Variants in PTPRG observed in about 807,000 individuals in gnomAD.
The protein encoded by PTPRG is protein tyrosine phosphatase receptor type G, also known as receptor-type tyrosine-protein phosphatase gamma.
Under a neutral mutation model 165.3 loss-of-function variants are expected in PTPRG, and 102 were observed. That is an observed-to-expected ratio of 0.62 (90% confidence interval 0.53 to 0.73). The LOEUF (loss-of-function observed/expected upper bound fraction) is 0.73, where lower values mean the gene tolerates loss of function less well. PTPRG is among the 30% of genes least tolerant of loss of function. PTPRG has a pLI of 0.00. For missense variants in PTPRG, 1,866 were observed against 1,861.4 expected (o/e 1.00, Z -0.05); for synonymous variants, 675 against 669.5 (o/e 1.01, Z -0.13).
chr3:62,088,308 T>A (rs1434552819), intron 5 of PTPRG, among the ~76,000 whole-genome samples: 2 of 152,226 alleles, frequency 1.3e-5, no homozygotes, highest in Non-Finnish European at 2.9e-5. Context: ...AACTCAGCTT[T>A]ATGGTCATCA....
chr3:62,151,819 T>TA (rs1285564931), intron 6 of PTPRG, among the ~76,000 whole-genome samples: 1 of 152,112 alleles, frequency 6.6e-6, no homozygotes, highest in Non-Finnish European at 1.5e-5. Context: ...TAGCAAGACT[T>TA]ATTTAACAAG....
intron 1 of PTPRG, among the ~76,000 whole-genome samples, chr3:61,629,534 T>C (rs191112882): frequency 9.1e-4 from 138 of 152,322 alleles, no homozygotes; most frequent in African/African-American, 3.3e-3. Flanking sequence ...GTTTAATTGC[T>C]GTGAAATTAA....
At chr3:62,085,043 A>C (rs1701702589) in intron 5 of PTPRG, among the ~76,000 whole-genome samples, 2 of 152,200 alleles carry the variant, frequency 1.3e-5, no homozygotes, top group Non-Finnish European at 2.9e-5. Context: ...CTACTAGAGT[A>C]TAAACTCTCT....
chr3:62,059,695 A>C (rs137999372), intron 4 of PTPRG, among the ~76,000 whole-genome samples: 1 of 152,042 alleles, frequency 6.6e-6, no homozygotes, highest in Non-Finnish European at 1.5e-5. Flanking sequence ...TCCCCACCCA[A>C]ATCTCATCTT....
intron 2 of PTPRG, among the ~76,000 whole-genome samples, chr3:61,927,876 A>G (rs938943921): frequency 3.9e-5 from 6 of 152,116 alleles, no homozygotes; most frequent in Non-Finnish European, 7.4e-5. Flanking sequence ...TCATTGTTTG[A>G]TTGGTAAAGG....
chr3:62,048,398 A>G (rs1451692234), intron 4 of PTPRG, among the ~76,000 whole-genome samples: 2 of 152,196 alleles, frequency 1.3e-5, no homozygotes, highest in Non-Finnish European at 2.9e-5. Flanking sequence ...TTTAGAGTAT[A>G]TCCTTATTTC....
At chr3:61,748,825 T>C in intron 1 of PTPRG, 53 bp from the exon 2 acceptor site, 11 of 1,444,358 alleles carry the variant, frequency 7.6e-6, no homozygotes, top group Non-Finnish European at 1.1e-5. Context: ...ACACCCTTCC[T>C]GTATCCAGTG....
chr3:62,022,632 G>A (rs1032532568), intron 4 of PTPRG, among the ~76,000 whole-genome samples: 10 of 152,172 alleles, frequency 6.6e-5, no homozygotes, highest in Non-Finnish European at 1.5e-4. Flanking sequence ...TGGAACCCTG[G>A]TTTTTGGTGA....
intron 10 of PTPRG, among the ~76,000 whole-genome samples, chr3:62,199,277 T>C (rs1004545814): frequency 1.3e-5 from 2 of 151,816 alleles, no homozygotes; most frequent in Non-Finnish European, 2.9e-5. Context: ...TTATTTGACC[T>C]GGGACCTACA....
At chr3:62,045,622 TC>T (rs1700264355) in intron 4 of PTPRG, among the ~76,000 whole-genome samples, 1 of 152,160 alleles carries the variant, frequency 6.6e-6, no homozygotes, top group Admixed American at 6.5e-5. Context: ...CTGTCAAATG[TC>T]CTTAGTAATT....
chr3:61,801,917 C>T (rs2107173501), intron 2 of PTPRG, among the ~76,000 whole-genome samples: 1 of 151,670 alleles, frequency 6.6e-6, no homozygotes, highest in East Asian at 1.9e-4. Context: ...CCCAGCTACT[C>T]AGGAGGCTGA....
rs184956426 is a variant in PTPRG at position 62,182,687 on chromosome 3, G to A, written c.1034-8782G>A. On this transcript the variant is annotated intron_variant, in intron 8 of 29. Transcript: ENST00000474889. The stretch of plus-strand genomic sequence containing the variant: ...TGTTTGTTTGTTTGTTTGAGATGGA[G>A]TCTCGCTCTGTCGCCAGGCTGGAGT... Among the ~76,000 whole-genome samples the A allele has an allele frequency of 5.4e-3, 827 of 152,158 alleles. 7 individuals carry two copies. Among genetic ancestry groups the A allele is most frequent in the African/African-American group, 0.019 (792 of 41,556 alleles).
intron 1 of PTPRG, among the ~76,000 whole-genome samples, chr3:61,714,373 T>C (rs1314197822): frequency 6.6e-6 from 1 of 152,162 alleles, no homozygotes; most frequent in Admixed American, 6.5e-5. Flanking sequence ...ATTTCCTCAG[T>C]GGAAGACGGT....
At chr3:62,292,700 A>G in intron 29 of PTPRG, 144 bp downstream of exon 29, 1 of 852,046 alleles carries the variant, frequency 1.2e-6, no homozygotes, top group Non-Finnish European at 1.8e-6. Flanking sequence ...GCTTGTCACA[A>G]CTGCAGATGG....
chr3:61,565,768 G>T (rs567850375), intron 1 of PTPRG, among the ~76,000 whole-genome samples: 2 of 150,942 alleles, frequency 1.3e-5, no homozygotes, highest in Non-Finnish European at 2.9e-5. Context: ...AGAATTGGAG[G>T]CTCCATGATT....
At position 62,243,838 on chromosome 3, in the gene PTPRG, G is replaced by A; in HGVS notation, c.2407G>A (p.Glu803Lys). ...TTTTCAGACTGCTCATTTCTATGTG[G>A]AAGACAGCAGTTCACCTCGAGTGGT... ...KCFQTAHFYV[E>K]DSSSPRVVPN... The change falls in exon 15 of 30, where the codon GAA (glutamate) becomes AAA (lysine). Residue 803 changes from glutamate (E) to lysine (K), a missense_variant. Transcript: ENST00000474889. 1 of 1,595,696 alleles carries A rather than the reference G, an allele frequency of 6.3e-7. No homozygotes were observed. Among genetic ancestry groups the A allele is most frequent in the Non-Finnish European group, 8.6e-7 (1 of 1,164,086 alleles).
chr3:61,598,135 T>C (rs893610926), intron 1 of PTPRG, among the ~76,000 whole-genome samples: 3 of 152,166 alleles, frequency 2.0e-5, no homozygotes, highest in Non-Finnish European at 4.4e-5. Flanking sequence ...AATAATGCCT[T>C]TTTGCCAACA....
intron 2 of PTPRG, among the ~76,000 whole-genome samples, chr3:61,948,980 G>C (rs2039831280): frequency 6.7e-6 from 1 of 149,736 alleles, no homozygotes; most frequent in Non-Finnish European, 1.5e-5. Context: ...TTCAGTAATC[G>C]AGCTCAAACT....
intron 2 of PTPRG, among the ~76,000 whole-genome samples, chr3:61,879,299 A>C (rs2037823849): frequency 6.6e-6 from 1 of 152,198 alleles, no homozygotes; most frequent in South Asian, 2.1e-4. Flanking sequence ...CCTCACGATC[A>C]GCTCATACTG....
Sources: allele counts gnomAD v4.1 joint callset (sites outside exome capture counted in the v4.1 genomes callset), GRCh38; gene constraint gnomAD v4.1.1; transcripts MANE v1.5; gene names NCBI Gene and HGNC (gene_info 2026-07-23, HGNC 2026-07-21).